Variants in TRAPPC14 observed in about 807,000 individuals in gnomAD.
TRAPPC14 encodes the protein microtubule associated protein 11.
TRAPPC14 carries 24 observed loss-of-function variants against 56.6 expected under a neutral mutation model. That is an observed-to-expected ratio of 0.42 (90% CI 0.31 to 0.60). TRAPPC14 has a LOEUF of 0.60. Ranked by LOEUF, TRAPPC14 falls within the 20% of genes least tolerant of loss-of-function variation. The pLI is 0.14. For missense variants in TRAPPC14, 615 were observed against 790.3 expected, an observed-to-expected ratio of 0.78 and a Z score of 2.66; for synonymous variants, 377 against 347.0, an observed-to-expected ratio of 1.09 and a Z score of -0.96.
chr7:100,157,659 C>T lies in TRAPPC14; in HGVS notation c.611G>A (p.Gly204Asp). 1 of 1,614,204 alleles carries T rather than the reference C, an allele frequency of 6.2e-7. No homozygotes were observed. The highest frequency in any genetic ancestry group is 1.1e-5 in the South Asian group (1 of 91,090). Residue 204 changes from glycine (G) to aspartate (D), a missense_variant, in exon 3 of 11, where the codon GGC (glycine) becomes GAC (aspartate). By Grantham distance (94) the Gly-to-Asp change is moderately conservative. Coordinates refer to ENST00000316937, the MANE Select transcript of TRAPPC14 (RefSeq NM_018275.5). ...QTRSPGETFR[G>D]EQSAFKAQVS... ...TTGGGCCTTGAAAGCGCTCTGCTCG[C>T]CCCGGAATGTCTCCCCAGGAGATCG...
At chr7:100,157,786 C>T (rs1310336684) in intron 2 of TRAPPC14, 24 bp from the exon 3 acceptor site, 1 of 1,614,070 alleles carries the variant, frequency 6.2e-7, no homozygotes, top group African/African-American at 1.3e-5. Flanking sequence ...AGACAGATGG[C>T]TGAGCCCGGA....
chr7:100,158,690 T>A lies in TRAPPC14; in HGVS notation c.-191A>T, dbSNP rs1221222979. ...AGACCCGGCAGCGCCGGAACCGGGG[T>A]ACTGAGCCGAATGACTGGAGAGAAA... On this transcript the variant is annotated 5_prime_UTR_variant, in exon 1 of 11. Transcript: ENST00000316937. The A allele has an allele frequency of 2.2e-6, 1 of 463,810 alleles. No individual in the cohort carries two copies. Among genetic ancestry groups the A allele is most frequent in the Non-Finnish European group, 3.5e-6 (1 of 287,534 alleles). 28.7% of individuals were successfully genotyped at this position (463,810 alleles called of 1,614,324 possible). A position where few individuals can be genotyped will look rare whatever the true frequency, so the allele number is the denominator to read the frequency against.
chr7:100,155,539 T>G (rs997268303), intron 9 of TRAPPC14, 84 bp from the exon 10 acceptor site: 28 of 1,501,648 alleles, frequency 1.9e-5, no homozygotes, highest in Non-Finnish European at 2.4e-5. Flanking sequence ...TGTGACAGAC[T>G]GATGTCAAAT....
intron 6 of TRAPPC14, 34 bp downstream of exon 6, chr7:100,156,811 C>G (rs1319509023): frequency 3.1e-5 from 50 of 1,610,198 alleles, no homozygotes; most frequent in Non-Finnish European, 4.0e-5. Flanking sequence ...TGCCTTATCA[C>G]TTTTCTTTGA....
chr7:100,157,830 T>C lies in TRAPPC14; in HGVS notation c.507+13A>G. ...CTGAATTAGGACAATAGCTCCACTC[T>C]TGCTCATCTTACCTTGGCCTTAGGT... On this transcript the variant is annotated intron_variant, in intron 2 of 10. Coordinates refer to ENST00000316937, the MANE Select transcript of TRAPPC14 (RefSeq NM_018275.5). 1 of 1,610,354 alleles carries C rather than the reference T, an allele frequency of 6.2e-7. No individual in the cohort carries two copies. The highest frequency in any genetic ancestry group is 1.7e-4 in the Middle Eastern group (1 of 6,048).
intron 9 of TRAPPC14, 96 bp from the exon 10 acceptor site, chr7:100,155,551 T>G: frequency 6.6e-7 from 1 of 1,504,460 alleles, no homozygotes; most frequent in Non-Finnish European, 8.9e-7. Flanking sequence ...ATGTCAAATC[T>G]AAATCCCACC....
Position 100,155,714 on chromosome 7 carries a change from G to C in TRAPPC14, c.1352C>G (p.Thr451Ser). 4 of 1,613,778 alleles carry C rather than the reference G, an allele frequency of 2.5e-6. No homozygotes were observed. The highest frequency in any genetic ancestry group is 2.5e-6 in the Non-Finnish European group (3 of 1,179,782). ...CAGAGCCTGGAAGGCCACACTGAAG[G>C]TGAGCGCGCTGCCCTTCCGGGAAAA... ...LGFSRKGSAL[T>S]FSVAFQALRT... The change falls in exon 9 of 11, where the codon ACC (threonine) becomes AGC (serine). Residue 451 changes from threonine to serine, a missense_variant. Physicochemically the swap from Thr to Ser is moderately conservative, Grantham distance 58. Transcript: ENST00000316937.
rs1330086365 is a variant in TRAPPC14 at position 100,155,246 on chromosome 7, C to T, written c.1589+16G>A. Reference sequence around the variant, plus strand: ...ATCCTCTACCCGGTCCCATGCCACGCCCCCTGGTTCTGTACCTCATGAGGT... The same window carrying T: ...ATCCTCTACCCGGTCCCATGCCACGTCCCCTGGTTCTGTACCTCATGAGGT... On this transcript the variant is annotated intron_variant, in intron 10 of 10. Coordinates refer to ENST00000316937, the MANE Select transcript of TRAPPC14 (RefSeq NM_018275.5). The T allele has an allele frequency of 1.3e-6, 2 of 1,580,874 alleles. No homozygotes were observed. The highest frequency in any genetic ancestry group is 1.3e-5 in the African/African-American group (1 of 74,244).
rs1281609067 is a variant in TRAPPC14 at position 100,158,455 on chromosome 7, C to T, written c.45G>A (p.Pro15=). The T allele has an allele frequency of 5.0e-6, 7 of 1,389,196 alleles. No individual in the cohort carries two copies. In the African/African-American group the frequency reaches 7.6e-5, roughly 15 times the overall value. The allele number at this position is 1,389,196 out of a possible 1,614,324, so 86.1% of individuals were successfully genotyped here. A position where few individuals can be genotyped will look rare whatever the true frequency, so the allele number is the denominator to read the frequency against. Residue 15 remains proline (P), a synonymous_variant, in exon 1 of 11, where the codon CCG becomes CCA. Transcript: ENST00000316937. ...CDYSMYFPAV[P]LPPRAELAGD... is the part of the protein sequence containing the mutation. The stretch of plus-strand genomic sequence containing the variant: ...CTGCCAGCTCCGCGCGCGGCGGCAG[C>T]GGCACGGCCGGGAAGTACATCGAGT...
At position 100,158,164 on chromosome 7, in the gene TRAPPC14, AC is replaced by A; in HGVS notation, c.335del (p.Gly112ValfsTer60). The A allele has an allele frequency of 6.9e-7, 1 of 1,442,600 alleles. No individual in the cohort carries two copies. Among genetic ancestry groups the A allele is most frequent in the African/African-American group, 1.5e-5 (1 of 66,512 alleles). 89.4% of individuals were successfully genotyped at this position (1,442,600 alleles called of 1,614,324 possible). On this transcript the variant is annotated frameshift_variant, in exon 1 of 11. Transcript: ENST00000316937. LOFTEE classifies it high-confidence loss of function. ...SEPPGGGDPG[G>X]GGLFRGCSPL... ...GGCTGCAGCCTCGGAACAAACCCCC[AC>A]CCCCAGGATCCCCTCCCCCTGGGGG...
intron 6 of TRAPPC14, 54 bp downstream of exon 6, chr7:100,156,791 T>G: frequency 6.2e-7 from 1 of 1,605,206 alleles, no homozygotes; most frequent in South Asian, 1.1e-5. Context: ...GCCTGGTCTT[T>G]CCCTCCCACT....
intron 4 of TRAPPC14, 26 bp downstream of exon 4, chr7:100,157,347 A>G (rs1338202094): frequency 6.2e-7 from 1 of 1,613,198 alleles, no homozygotes; most frequent in Non-Finnish European, 8.5e-7. Flanking sequence ...TTGCTCCCGG[A>G]GGCTGGAGCC....
Position 100,155,083 on chromosome 7 carries a change from G to C in TRAPPC14, c.1671C>G (p.Asp557Glu). ...TCTTGTCCAGAGACAACACAGCCTT[G>C]TCCGGGGGCAGGTAGAGGGGGCGGC... ...PVGRPLYLPP[D>E]KAVLSLDKIA... The change falls in exon 11 of 11, where the codon GAC becomes GAG. Residue 557 changes from aspartate (D) to glutamate (E), a missense_variant. By Grantham distance (45) the Asp-to-Glu change is conservative. Coordinates refer to ENST00000316937, the MANE Select transcript of TRAPPC14 (RefSeq NM_018275.5). 1 of 1,614,010 alleles carries C rather than the reference G, an allele frequency of 6.2e-7. No homozygotes were observed. Among genetic ancestry groups the C allele is most frequent in the Non-Finnish European group, 8.5e-7 (1 of 1,179,866 alleles).
rs13245710 is a variant in TRAPPC14 at position 100,158,251 on chromosome 7, G to A, written c.249C>T (p.Ala83=). ...GCATCCCGCCTCCGGCGCTGACCGA[G>A]GCCAGGGCGGCCAGGGCGGTTGCCA... ...AELATALAAL[A]SVSAGGGMPG... Residue 83 remains alanine, a synonymous_variant, in exon 1 of 11, where the codon GCC becomes GCT. Transcript: ENST00000316937. 4 of 1,486,934 alleles carry A rather than the reference G, an allele frequency of 2.7e-6. No individual in the cohort carries two copies. Among genetic ancestry groups the A allele is most frequent in the Non-Finnish European group, 3.6e-6 (4 of 1,125,236 alleles). The allele number at this position is 1,486,934 out of a possible 1,614,324, so 92.1% of individuals were successfully genotyped here.
chr7:100,158,656 C>T lies in TRAPPC14; in HGVS notation c.-157G>A, dbSNP rs559434379. 403 of 667,748 alleles carry T rather than the reference C, an allele frequency of 6.0e-4. 2 individuals are homozygous for T. The highest frequency in any genetic ancestry group is 6.8e-4 in the Non-Finnish European group (319 of 470,340). The allele number at this position is 667,748 out of a possible 1,614,324, so 41.4% of individuals were successfully genotyped here. A position where few individuals can be genotyped will look rare whatever the true frequency, so the allele number is the denominator to read the frequency against. On this transcript the variant is annotated 5_prime_UTR_variant, in exon 1 of 11. Coordinates refer to ENST00000316937, the MANE Select transcript of TRAPPC14 (RefSeq NM_018275.5). ...CCGGTCCCGGCACCGGGGCAACGAA[C>T]CCGAACCGAGACCCGGCAGCGCCGG...
chr7:100,156,109 T>A (rs1471423771), intron 8 of TRAPPC14, among the ~76,000 whole-genome samples: 1 of 152,210 alleles, frequency 6.6e-6, no homozygotes, highest in Non-Finnish European at 1.5e-5. Context: ...TTATTCAAGG[T>A]CACACAGCTA....
chr7:100,154,942 C>G lies in TRAPPC14; in HGVS notation c.*69G>C, dbSNP rs1236455413. ...GAGGCATCCCAGGGGAGGCACAGCC[C>G]GGGAGCAGGGATCCCCTCTGGGGGC... On this transcript the variant is annotated 3_prime_UTR_variant, in exon 11 of 11. Coordinates refer to ENST00000316937, the MANE Select transcript of TRAPPC14 (RefSeq NM_018275.5). 1 of 1,539,636 alleles carries G rather than the reference C, an allele frequency of 6.5e-7. No homozygotes were observed. The highest frequency in any genetic ancestry group is 1.4e-5 in the African/African-American group (1 of 73,432).
Position 100,155,662 on chromosome 7 carries a change from C to T in TRAPPC14, c.1395+9G>A. The stretch of plus-strand genomic sequence containing the variant: ...ACTCAGCACTCAGCCCAGACCCTCC[C>T]CAGCCCACCTCGAAGAGCCCCGTCC... On this transcript the variant is annotated intron_variant, in intron 9 of 10. Transcript: ENST00000316937. The T allele has an allele frequency of 6.3e-7, 1 of 1,593,770 alleles. No homozygotes were observed. The highest frequency in any genetic ancestry group is 1.7e-4 in the Middle Eastern group (1 of 5,876).
In TRAPPC14 at chr7:100,157,247, C is replaced by G. The variant is rs138820761; in HGVS notation, c.725-33G>C. On this transcript the variant is annotated intron_variant, in intron 4 of 10. Transcript: ENST00000316937. ...AGAGGACCAGCTTGGCTCAGAATAG[C>G]TGGACCCCTCAGGCCCCACCTTTAC... The G allele has an allele frequency of 3.2e-3, 5,143 of 1,613,980 alleles. 48 individuals are homozygous for G. In the African/African-American group the frequency reaches 0.034, roughly 11 times the overall value.
Sources: gnomAD v4.1 joint callset for allele counts (sites outside exome capture counted in the v4.1 genomes callset) on GRCh38, gnomAD v4.1.1 for gene constraint, MANE v1.5 for transcripts, NCBI Gene and HGNC (gene_info 2026-07-23, HGNC 2026-07-21) for gene names.